The following VIPAS39 variants were observed in gnomAD, a reference collection of about 807,000 sequenced individuals.
The protein encoded by VIPAS39 is VPS33B interacting protein, apical-basolateral polarity regulator, spe-39 homolog, also known as spermatogenesis-defective protein 39 homolog.
A neutral mutation model predicts 84.7 loss-of-function variants in VIPAS39; 63 were observed. That is an observed-to-expected ratio of 0.74 (90% CI 0.61 to 0.92). VIPAS39 has a LOEUF of 0.92. Ranked by LOEUF, VIPAS39 falls within the 40% of genes least tolerant of loss-of-function variation. The probability of loss-of-function intolerance (pLI) is 0.00; values close to 1 mark genes in which losing one functional copy is unlikely to be tolerated. For synonymous variants in VIPAS39, 192 were observed against 216.5 expected (o/e 0.89, Z 0.99); for missense variants, 499 against 604.5 (o/e 0.83, Z 1.83).
chr14:77,441,291 C>G lies in VIPAS39; in HGVS notation c.735-198G>C, dbSNP rs554480116. 158 of 575,672 alleles carry G rather than the reference C, an allele frequency of 2.7e-4. No individual in the cohort carries two copies. The East Asian group carries it at 5.3e-3, about 19-fold the overall frequency. 35.7% of individuals were successfully genotyped at this position (575,672 alleles called of 1,614,324 possible). Reference sequence around the variant, plus strand: ...AAAAAGCAAGGACAAGAAGGTACTGCAAGGAACTAATAACTTTGTTAACAG... The same window carrying G: ...AAAAAGCAAGGACAAGAAGGTACTGGAAGGAACTAATAACTTTGTTAACAG... On this transcript the variant is annotated intron_variant, in intron 10 of 19. Transcript: ENST00000557658.
Position 77,449,294 on chromosome 14 carries a change from C to G in VIPAS39, c.446G>C (p.Arg149Thr), listed in dbSNP as rs951117840. The G allele has an allele frequency of 1.2e-6, 2 of 1,613,994 alleles. No individual in the cohort carries two copies. The highest frequency in any genetic ancestry group is 2.7e-5 in the African/African-American group (2 of 74,944). Residue 149 changes from arginine (R) to threonine (T), a missense_variant and splice_region_variant, in exon 6 of 20, where the codon AGG (arginine) becomes ACG (threonine). Coordinates refer to ENST00000557658, the MANE Select transcript of VIPAS39 (RefSeq NM_001193315.2). The stretch of plus-strand genomic sequence containing the variant: ...ACACCAGTGTATGCTGTAACTCACC[C>G]TATACTCCCCTTTGGGTCTCCCCAG... ...PELGRPKGEY[R>T]DYSNDWSPSD...
chr14:77,429,674 C>G lies in VIPAS39; in HGVS notation c.1266+7G>C. Reference sequence around the variant, plus strand: ...TCCTGTACCCAACTCTCTTCAGGACCCATTACCTGCACAGGGGCATTGTTC... The same window carrying G: ...TCCTGTACCCAACTCTCTTCAGGACGCATTACCTGCACAGGGGCATTGTTC... On this transcript the variant is annotated splice_region_variant and intron_variant, in intron 17 of 19. Transcript: ENST00000557658. The G allele has an allele frequency of 6.2e-7, 1 of 1,613,986 alleles. No homozygotes were observed. Among genetic ancestry groups the G allele is most frequent in the Non-Finnish European group, 8.5e-7 (1 of 1,179,894 alleles).
intron 7 of VIPAS39, among the ~76,000 whole-genome samples, chr14:77,448,291 C>G (rs2078828931): frequency 6.6e-6 from 1 of 152,174 alleles, no homozygotes; most frequent in Non-Finnish European, 1.5e-5. Flanking sequence ...TCCCTCTCAT[C>G]CATCACTCTT....
rs139944553 is a variant in VIPAS39 at position 77,453,902 on chromosome 14, G to A, written c.93+108C>T. ...TACAATCCTTCTGGCTCTTTTCTGA[G>A]CCTAATGAAGACATACATGGTCAAA... On this transcript the variant is annotated intron_variant, in intron 2 of 19. Transcript: ENST00000557658. 1,370 of 1,000,088 alleles carry A rather than the reference G, an allele frequency of 1.4e-3. 13 individuals are homozygous for A. Among genetic ancestry groups the A allele is most frequent in the African/African-American group, 9.8e-3 (620 of 63,272 alleles). 62.0% of individuals were successfully genotyped at this position (1,000,088 alleles called of 1,614,324 possible). A position where few individuals can be genotyped will look rare whatever the true frequency, so the allele number is the denominator to read the frequency against.
intron 19 of VIPAS39, among the ~76,000 whole-genome samples, chr14:77,427,871 T>C (rs545331200): frequency 6.6e-6 from 1 of 152,234 alleles, no homozygotes; most frequent in African/African-American, 2.4e-5. Context: ...TTTTGGTCAT[T>C]TGACCCTAAG....
intron 15 of VIPAS39, 45 bp downstream of exon 15, chr14:77,434,217 T>C: frequency 6.3e-7 from 1 of 1,579,202 alleles, no homozygotes; most frequent in Non-Finnish European, 8.7e-7. Flanking sequence ...CTCCATGTAG[T>C]TACCCTGATC....
intron 10 of VIPAS39, among the ~76,000 whole-genome samples, chr14:77,441,440 T>A (rs2078702027): frequency 2.0e-5 from 3 of 152,210 alleles, no homozygotes; most frequent in Admixed American, 6.5e-5. Context: ...ATTTTCTATA[T>A]TGTTCTTTAC....
chr14:77,452,323 C>A (rs963807763), intron 3 of VIPAS39, among the ~76,000 whole-genome samples: 18 of 152,094 alleles, frequency 1.2e-4, no homozygotes, highest in African/African-American at 4.3e-4. Flanking sequence ...AGGAACCAAG[C>A]AACGATTGTT....
chr14:77,439,588 A>C (rs2078667771), intron 11 of VIPAS39, among the ~76,000 whole-genome samples: 1 of 152,176 alleles, frequency 6.6e-6, no homozygotes, highest in African/African-American at 2.4e-5. Context: ...GGAGTTCAAG[A>C]CCAGCCTGGC....
At chr14:77,450,049 C>T (rs1026163769) in intron 4 of VIPAS39, among the ~76,000 whole-genome samples, 1 of 152,118 alleles carries the variant, frequency 6.6e-6, no homozygotes, top group South Asian at 2.1e-4. Flanking sequence ...CACCACTATC[C>T]ATCTCCAGAA....
chr14:77,455,510 A>G (rs1348154691), intron 1 of VIPAS39, among the ~76,000 whole-genome samples: 1 of 152,182 alleles, frequency 6.6e-6, no homozygotes, highest in East Asian at 1.9e-4. Context: ...ACAGAATTAC[A>G]AAGTAAACTA....
intron 4 of VIPAS39, 111 bp downstream of exon 4, chr14:77,451,076 A>G (rs2078873534): frequency 1.3e-6 from 2 of 1,528,164 alleles, no homozygotes; most frequent in East Asian, 2.3e-5. Flanking sequence ...TCCAATGAGA[A>G]TGCTTTACCC....
chr14:77,455,219 A>G (rs189818935), intron 1 of VIPAS39, among the ~76,000 whole-genome samples: 103 of 152,314 alleles, frequency 6.8e-4, no homozygotes, highest in African/African-American at 2.2e-3. Context: ...ACAGTGGCTC[A>G]TATCTGTAAT....
chr14:77,442,064 C>T (rs1050751083), intron 10 of VIPAS39, among the ~76,000 whole-genome samples: 1 of 152,186 alleles, frequency 6.6e-6, no homozygotes, highest in African/African-American at 2.4e-5. Flanking sequence ...ATATTTTCTT[C>T]TTCTCTTCTA....
At chr14:77,451,075 A>T in intron 4 of VIPAS39, 112 bp downstream of exon 4, 1 of 1,523,656 alleles carries the variant, frequency 6.6e-7, no homozygotes, top group South Asian at 1.1e-5. Context: ...CTCCAATGAG[A>T]ATGCTTTACC....
chr14:77,446,704 A>G (rs1463603333), intron 7 of VIPAS39, among the ~76,000 whole-genome samples: 1 of 152,228 alleles, frequency 6.6e-6, no homozygotes, highest in Non-Finnish European at 1.5e-5. Flanking sequence ...TGATTTCAAC[A>G]TTTATATAAT....
chr14:77,451,094 A>G, intron 4 of VIPAS39, 93 bp downstream of exon 4: 1 of 1,582,008 alleles, frequency 6.3e-7, no homozygotes, highest in South Asian at 1.1e-5. Flanking sequence ...CCCTTCAATA[A>G]TCTTTTTCTT....
At chr14:77,439,579 G>A (rs1819009820) in intron 11 of VIPAS39, among the ~76,000 whole-genome samples, 1 of 152,136 alleles carries the variant, frequency 6.6e-6, no homozygotes, top group African/African-American at 2.4e-5. Context: ...TTGAGGCTAG[G>A]AGTTCAAGAC....
At chr14:77,451,165 C>A (rs1382339587) in intron 4 of VIPAS39, 22 bp downstream of exon 4, 1 of 1,614,050 alleles carries the variant, frequency 6.2e-7, no homozygotes, top group African/African-American at 1.3e-5. Flanking sequence ...ACTTCCCTAT[C>A]CATTTAAGCA....
Sources: allele counts gnomAD v4.1 joint callset (sites outside exome capture counted in the v4.1 genomes callset), GRCh38; gene constraint gnomAD v4.1.1; transcripts MANE v1.5; gene names NCBI Gene and HGNC (gene_info 2026-07-23, HGNC 2026-07-21).